MDM1: variants seen among roughly 807,000 people sequenced by gnomAD.
The protein encoded by MDM1 is stabilizer of axonemal microtubules 6.
In MDM1, 61 loss-of-function variants were observed where a neutral mutation model predicts 89.1. That is an observed-to-expected ratio of 0.68 (90% CI 0.56 to 0.85). The LOEUF (loss-of-function observed/expected upper bound fraction) is 0.85, where lower values mean the gene tolerates loss of function less well. MDM1 is among the 40% of genes least tolerant of loss of function. The pLI is 0.00. For missense variants in MDM1, 820 were observed against 846.5 expected, an observed-to-expected ratio of 0.97 and a Z score of 0.39; for synonymous variants, 290 against 294.1, an observed-to-expected ratio of 0.99 and a Z score of 0.14.
chr12:68,329,222 C>T (rs1438898754), intron 2 of MDM1, among the ~76,000 whole-genome samples: 2 of 152,074 alleles, frequency 1.3e-5, no homozygotes, highest in Non-Finnish European at 2.9e-5. Context: ...AGCACCCTGC[C>T]GGAGAAGCAG....
Position 68,325,541 on chromosome 12 carries a change from G to A in MDM1, c.533C>T (p.Thr178Ile), listed in dbSNP as rs1875845368. ...CAAGGCATTATATGAAGGAACAACAGTCAATCCAGCTTTCTTACGCAGAAG... is the reference window on the plus strand; with the variant it reads ...CAAGGCATTATATGAAGGAACAACAATCAATCCAGCTTTCTTACGCAGAAG... The part of the protein sequence containing the change: ...DRLLRKKAGL[T>I]VVPSYNALRN... The change falls in exon 4 of 15, where the codon ACT becomes ATT. Residue 178 changes from threonine (T) to isoleucine (I), a missense_variant. Physicochemically the swap from Thr to Ile is moderately conservative, Grantham distance 89 (BLOSUM62 -1). Coordinates refer to ENST00000682720, the MANE Select transcript of MDM1 (RefSeq NM_001354969.2). 6.3e-7 allele frequency: 1 copy of A among 1,590,248 alleles called. No homozygotes were observed. Among genetic ancestry groups the A allele is most frequent in the Admixed American group, 1.8e-5 (1 of 56,892 alleles).
chr12:68,316,846 C>G (rs929435501), intron 7 of MDM1, among the ~76,000 whole-genome samples: 2 of 152,176 alleles, frequency 1.3e-5, no homozygotes, highest in African/African-American at 4.8e-5. Context: ...ATTAGGCAAT[C>G]TAACTATTAT....
Position 68,323,196 on chromosome 12 carries a change from G to A in MDM1, c.678C>T (p.Asn226=), listed in dbSNP as rs1431967519. 1.9e-6 allele frequency: 3 copies of A among 1,607,098 alleles called. No homozygotes were observed. The highest frequency in any genetic ancestry group is 2.5e-6 in the Non-Finnish European group (3 of 1,177,896). ...KSQFVPPFKG[N]SVIHETEYKR... is the part of the protein sequence containing the mutation. ...TGTATTCAGTTTCATGGATGACTGAGTTACCTTTGAATGGTGGAACAAACT... is the reference window on the plus strand; with the variant it reads ...TGTATTCAGTTTCATGGATGACTGAATTACCTTTGAATGGTGGAACAAACT... The change falls in exon 5 of 15, where the codon AAC becomes AAT. Residue 226 remains asparagine (N), a synonymous_variant. Transcript: ENST00000682720.
chr12:68,317,598 T>C (rs1392380942), intron 7 of MDM1, among the ~76,000 whole-genome samples: 1 of 152,124 alleles, frequency 6.6e-6, no homozygotes, highest in Non-Finnish European at 1.5e-5. Flanking sequence ...TAATGAACCA[T>C]ACCTGAAAAA....
intron 12 of MDM1, among the ~76,000 whole-genome samples, chr12:68,309,733 T>C (rs1873428014): frequency 6.6e-6 from 1 of 152,160 alleles, no homozygotes; most frequent in African/African-American, 2.4e-5. Flanking sequence ...ATTTTATACA[T>C]AATAATAACG....
intron 5 of MDM1, 24 bp downstream of exon 5, chr12:68,323,049 G>A (rs752130391): frequency 6.4e-7 from 1 of 1,573,280 alleles, no homozygotes; most frequent in East Asian, 2.3e-5. Context: ...ATTTTGTTTT[G>A]TAAGGTTAAA....
chr12:68,317,919 TTC>T (rs1212844260), intron 7 of MDM1, among the ~76,000 whole-genome samples: 8 of 152,230 alleles, frequency 5.3e-5, no homozygotes, highest in Non-Finnish European at 1.2e-4. Flanking sequence ...CTCCTCTGTG[TTC>T]TCAGAGTTCT....
intron 10 of MDM1, among the ~76,000 whole-genome samples, chr12:68,314,469 AC>A (rs1364859790): frequency 6.6e-6 from 1 of 152,244 alleles, no homozygotes; most frequent in Non-Finnish European, 1.5e-5. Context: ...TAGATTATAG[AC>A]AAAAGGCACT....
chr12:68,324,235 TTGA>T (rs1875640013), intron 4 of MDM1, among the ~76,000 whole-genome samples: 1 of 152,090 alleles, frequency 6.6e-6, no homozygotes, highest in Non-Finnish European at 1.5e-5. Flanking sequence ...AAAGCCCTAT[TTGA>T]TGATGATAGG....
intron 13 of MDM1, among the ~76,000 whole-genome samples, chr12:68,299,619 C>G (rs1346488633): frequency 6.6e-6 from 1 of 151,746 alleles, no homozygotes; most frequent in African/African-American, 2.4e-5. Context: ...TCGAATTAAC[C>G]CAATCAAACA....
intron 13 of MDM1, among the ~76,000 whole-genome samples, chr12:68,300,331 ACGTC>A (rs1464767977): frequency 2.0e-5 from 3 of 152,174 alleles, no homozygotes; most frequent in African/African-American, 4.8e-5. Flanking sequence ...ACAGTACCTC[ACGTC>A]TCAATATTAA....
Sources: gnomAD v4.1 joint callset for allele counts (sites outside exome capture counted in the v4.1 genomes callset) on GRCh38, gnomAD v4.1.1 for gene constraint, MANE v1.5 for transcripts, NCBI Gene and HGNC (gene_info 2026-07-23, HGNC 2026-07-21) for gene names.